SNRPB2: variants seen among roughly 807,000 people sequenced by gnomAD.
The protein encoded by SNRPB2 is small nuclear ribonucleoprotein polypeptide B2.
In SNRPB2, 16 loss-of-function variants were observed where a neutral mutation model predicts 26.3. The observed-to-expected ratio is 0.61, with a 90% CI of 0.41 to 0.92. The LOEUF (loss-of-function observed/expected upper bound fraction) is 0.92, where lower values mean the gene tolerates loss of function less well. Ranked by LOEUF, SNRPB2 falls within the 40% of genes least tolerant of loss-of-function variation. The pLI is 0.00. For missense variants in SNRPB2, 179 were observed against 268.1 expected, an observed-to-expected ratio of 0.67 and a Z score of 2.32; for synonymous variants, 75 against 89.0, an observed-to-expected ratio of 0.84 and a Z score of 0.88.
At chr20:16,733,710 C>G (rs559283848) in intron 3 of SNRPB2, among the ~76,000 whole-genome samples, 1 of 152,306 alleles carries the variant, frequency 6.6e-6, no homozygotes. Context: ...TGGCTACAGA[C>G]AGTAGTTTGA....
chr20:16,739,610 C>T (rs918279442), intron 5 of SNRPB2, among the ~76,000 whole-genome samples: 1 of 152,130 alleles, frequency 6.6e-6, no homozygotes, highest in African/African-American at 2.4e-5. Flanking sequence ...TTCACAAATG[C>T]CAGCACTTAA....
intron 3 of SNRPB2, among the ~76,000 whole-genome samples, chr20:16,733,912 A>G (rs1471522644): frequency 6.6e-6 from 1 of 152,198 alleles, no homozygotes; most frequent in East Asian, 1.9e-4. Flanking sequence ...AATTTTTAGT[A>G]TATTGGTGTT....
intron 5 of SNRPB2, among the ~76,000 whole-genome samples, chr20:16,739,368 T>C (rs984369409): frequency 6.6e-6 from 1 of 152,210 alleles, no homozygotes; most frequent in African/African-American, 2.4e-5. Flanking sequence ...TCCAGCCTTT[T>C]TTTTTTAAGC....
At chr20:16,740,462 C>T (rs887466312) in intron 6 of SNRPB2, 49 bp downstream of exon 6, 2 of 1,600,380 alleles carry the variant, frequency 1.2e-6, no homozygotes, top group African/African-American at 2.7e-5. Flanking sequence ...CCTCACAGGA[C>T]AAGTAGTACT....
chr20:16,736,154 C>G (rs969607126), intron 3 of SNRPB2, among the ~76,000 whole-genome samples: 2 of 152,132 alleles, frequency 1.3e-5, no homozygotes, highest in Non-Finnish European at 2.9e-5. Context: ...AAATACTACT[C>G]GCTGTTAAAA....
At chr20:16,739,570 T>G (rs2122507390) in intron 5 of SNRPB2, among the ~76,000 whole-genome samples, 1 of 152,218 alleles carries the variant, frequency 6.6e-6, no homozygotes, top group South Asian at 2.1e-4. Context: ...GTTACTTGGG[T>G]TTTTTATCTC....
chr20:16,740,815 T>A (rs1261476086), intron 6 of SNRPB2, 31 bp from the exon 7 acceptor site: 2 of 1,525,322 alleles, frequency 1.3e-6, no homozygotes, highest in Non-Finnish European at 1.8e-6. Flanking sequence ...ATGTACTTGC[T>A]GTATACATGA....
intron 3 of SNRPB2, among the ~76,000 whole-genome samples, chr20:16,736,546 C>A (rs913331154): frequency 6.6e-6 from 1 of 152,168 alleles, no homozygotes; most frequent in South Asian, 2.1e-4. Context: ...AATTTTCCAT[C>A]TAGTTTTCTG....
chr20:16,739,341 C>T (rs564267733), intron 5 of SNRPB2, among the ~76,000 whole-genome samples: 2 of 152,252 alleles, frequency 1.3e-5, no homozygotes, highest in South Asian at 2.1e-4. Context: ...GCTCTCACTT[C>T]CTGAACACAA....
intron 3 of SNRPB2, among the ~76,000 whole-genome samples, chr20:16,733,653 C>T (rs112179610): frequency 6.6e-6 from 1 of 152,238 alleles, no homozygotes; most frequent in Non-Finnish European, 1.5e-5. Context: ...CTACTCAACT[C>T]TGCTTTTATA....
rs117635887 is a variant in SNRPB2, at chr20:16,739,334, C to G, written c.429+432C>G. On this transcript the variant is annotated intron_variant, in intron 5 of 6. Transcript: ENST00000246071. ...CATAGTTTTATAGTTAACCTTTGCT[C>G]TCACTTCCTGAACACAAATAAATTC... 6.4e-4 allele frequency among the ~76,000 whole-genome samples: 98 copies of G among 152,236 alleles called. 1 individual carries two copies. Among genetic ancestry groups the G allele is most frequent in the South Asian group, 2.5e-3 (12 of 4,818 alleles).
chr20:16,731,558 C>A, intron 1 of SNRPB2, 110 bp from the exon 2 acceptor site: 1 of 1,109,508 alleles, frequency 9.0e-7, no homozygotes, highest in Non-Finnish European at 1.3e-6. Context: ...TACAGCCAAA[C>A]TGACATTTTC....
chr20:16,740,237 T>G, intron 5 of SNRPB2, 88 bp from the exon 6 acceptor site: 4 of 1,561,642 alleles, frequency 2.6e-6, no homozygotes, highest in Non-Finnish European at 3.5e-6. Flanking sequence ...TTTTCAGCTT[T>G]ATTGTTTGAT....
chr20:16,737,832 C>T (rs1035632927), intron 4 of SNRPB2, among the ~76,000 whole-genome samples: 4 of 151,514 alleles, frequency 2.6e-5, no homozygotes, highest in South Asian at 2.1e-4. Flanking sequence ...GTCAGGAGAT[C>T]GAGACCATCC....
At chr20:16,734,800 C>G (rs1318915792) in intron 3 of SNRPB2, among the ~76,000 whole-genome samples, 2 of 152,162 alleles carry the variant, frequency 1.3e-5, no homozygotes, top group African/African-American at 4.8e-5. Flanking sequence ...TTTAAATGAG[C>G]CAGCTAAGAG....
At position 16,741,954 on chromosome 20, in the gene SNRPB2, A is replaced by G. The variant is rs1235553377; in HGVS notation, c.*949A>G. On this transcript the variant is annotated 3_prime_UTR_variant, in exon 7 of 7. Coordinates refer to ENST00000246071, the MANE Select transcript of SNRPB2 (RefSeq NM_003092.5). ...AGTATGGTACATATTAATAGTAACA[A>G]CAACAAAAAAGAAAACAGTACTTAT... 3.3e-5 allele frequency: 5 copies of G among 152,228 alleles called. No individual in the cohort carries two copies. The highest frequency in any genetic ancestry group is 1.2e-4 in the African/African-American group (5 of 41,468). 9.4% of individuals were successfully genotyped at this position (152,228 alleles called of 1,614,324 possible). A position where few individuals can be genotyped will look rare whatever the true frequency, so the allele number is the denominator to read the frequency against.
At chr20:16,731,861 TC>T (rs2072394150) in intron 2 of SNRPB2, 95 bp downstream of exon 2, 1 of 1,545,716 alleles carries the variant, frequency 6.5e-7, no homozygotes, top group South Asian at 1.2e-5. Flanking sequence ...TACCTCATCA[TC>T]TTAGTGCCTG....
chr20:16,740,720 C>T, intron 6 of SNRPB2, 126 bp from the exon 7 acceptor site: 3 of 741,498 alleles, frequency 4.0e-6, no homozygotes, highest in Non-Finnish European at 4.3e-6. Context: ...TCCGTCTACT[C>T]AGTATTCTTG....
Position 16,736,616 on chromosome 20 carries a change from T to G in SNRPB2, c.238-645T>G, listed in dbSNP as rs150255802. ...CAGCCCTAGTGTTCTGTGGGCCTAT[T>G]CTATCTGTAAAACAGGATTAGTCTA... On this transcript the variant is annotated intron_variant, in intron 3 of 6. Transcript: ENST00000246071. Among the ~76,000 whole-genome samples the G allele has an allele frequency of 2.7e-3, 410 of 152,278 alleles. 1 individual carries two copies. Among genetic ancestry groups the G allele is most frequent in the African/African-American group, 9.6e-3 (398 of 41,562 alleles).
Sources: gnomAD v4.1 joint callset for allele counts (sites outside exome capture counted in the v4.1 genomes callset) on GRCh38, gnomAD v4.1.1 for gene constraint, MANE v1.5 for transcripts, NCBI Gene and HGNC (gene_info 2026-07-23, HGNC 2026-07-21) for gene names.